Variants in LIN9 observed in about 807,000 individuals in gnomAD.
The protein encoded by LIN9 is lin-9 DREAM MuvB core complex component, also known as protein lin-9 homolog.
A neutral mutation model predicts 78.0 loss-of-function variants in LIN9; 18 were observed. That is an observed-to-expected ratio of 0.23 (90% CI 0.16 to 0.34). The LOEUF (loss-of-function observed/expected upper bound fraction) is 0.34. Among genes scored for constraint, LIN9 ranks in the 10% least tolerant of loss-of-function variants. LIN9 has a pLI of 1.00. For synonymous variants in LIN9, 192 were observed against 215.2 expected (o/e 0.89, Z 0.94); for missense variants, 451 against 644.1 (o/e 0.70, Z 3.25).
chr1:226,267,086 CT>C (rs1204496218), intron 8 of LIN9, among the ~76,000 whole-genome samples: 2 of 151,666 alleles, frequency 1.3e-5, no homozygotes, highest in Non-Finnish European at 2.9e-5. Flanking sequence ...GGCCAATTTA[CT>C]TTTTTTGAAA....
chr1:226,233,300 G>A, intron 13 of LIN9, 44 bp downstream of exon 13: 1 of 1,554,020 alleles, frequency 6.4e-7, no homozygotes, highest in Non-Finnish European at 8.8e-7. Flanking sequence ...ATTAGCGTGG[G>A]TTGCTTTGTG....
At chr1:226,276,084 T>C (rs1421130951) in intron 7 of LIN9, among the ~76,000 whole-genome samples, 2 of 152,164 alleles carry the variant, frequency 1.3e-5, no homozygotes, top group Admixed American at 1.3e-4. Context: ...AGTAATTTTC[T>C]CACATTTTGC....
chr1:226,295,344 G>A (rs957404608), intron 4 of LIN9, among the ~76,000 whole-genome samples: 5 of 151,992 alleles, frequency 3.3e-5, no homozygotes, highest in African/African-American at 1.2e-4. Flanking sequence ...AGGTACTCGG[G>A]AGGCTGAGGC....
chr1:226,303,335 A>T (rs1179949416), intron 1 of LIN9, among the ~76,000 whole-genome samples: 1 of 152,224 alleles, frequency 6.6e-6, no homozygotes. Context: ...GATGGGAGGC[A>T]AACAAAAACA....
intron 4 of LIN9, among the ~76,000 whole-genome samples, chr1:226,291,703 T>C (rs2102643583): frequency 6.6e-6 from 1 of 152,242 alleles, no homozygotes; most frequent in East Asian, 1.9e-4. Context: ...GCCCTTCACC[T>C]GGCTTTCCCT....
intron 4 of LIN9, among the ~76,000 whole-genome samples, chr1:226,290,074 A>C (rs1481415674): frequency 1.3e-5 from 2 of 152,144 alleles, no homozygotes; most frequent in Admixed American, 6.6e-5. Flanking sequence ...ATATGTTAAA[A>C]AATACAGAAA....
At chr1:226,244,462 C>A (rs1007234596) in intron 11 of LIN9, among the ~76,000 whole-genome samples, 2 of 152,014 alleles carry the variant, frequency 1.3e-5, no homozygotes, top group East Asian at 3.9e-4. Flanking sequence ...AAAAACAAGT[C>A]AAAAATATGA....
In LIN9 at chr1:226,233,542, A is replaced by G; in HGVS notation, c.1246-19T>C. On this transcript the variant is annotated intron_variant, in intron 12 of 14. Transcript: ENST00000681046. ...GAGCAAGCTGAATACAGATGATTGA[A>G]GCATGAGACGCATGTTCGAGAAGCC... 6.3e-7 allele frequency: 1 copy of G among 1,577,354 alleles called. No individual in the cohort carries two copies.
At chr1:226,248,613 G>A (rs1320189738) in intron 11 of LIN9, among the ~76,000 whole-genome samples, 2 of 152,234 alleles carry the variant, frequency 1.3e-5, no homozygotes, top group Admixed American at 6.5e-5. Flanking sequence ...ACAGGAAGTT[G>A]TTTAAATTAT....
chr1:226,286,147 C>T (rs899599146), intron 6 of LIN9, among the ~76,000 whole-genome samples, 186 bp downstream of exon 6: 1 of 152,004 alleles, frequency 6.6e-6, no homozygotes, highest in Non-Finnish European at 1.5e-5. Context: ...GAGGAATGGT[C>T]TCACTGTGTT....
At chr1:226,283,597 T>G (rs1661211605) in intron 6 of LIN9, among the ~76,000 whole-genome samples, 1 of 152,202 alleles carries the variant, frequency 6.6e-6, no homozygotes, top group Admixed American at 6.5e-5. Flanking sequence ...TAAAACGTTC[T>G]TATTTTTGTA....
intron 7 of LIN9, among the ~76,000 whole-genome samples, chr1:226,274,580 CCT>C (rs1339564999): frequency 2.0e-5 from 3 of 151,658 alleles, no homozygotes; most frequent in Non-Finnish European, 2.9e-5. Context: ...AATAATGTCC[CCT>C]CTCTCCTGTT....
chr1:226,248,420 G>A (rs1658620546), intron 11 of LIN9, among the ~76,000 whole-genome samples: 1 of 151,780 alleles, frequency 6.6e-6, no homozygotes, highest in Admixed American at 6.6e-5. Flanking sequence ...ACTTCTTTTT[G>A]TACCTCATAT....
chr1:226,306,624 A>G (rs573412158), intron 1 of LIN9, among the ~76,000 whole-genome samples: 1 of 152,348 alleles, frequency 6.6e-6, no homozygotes, highest in East Asian at 1.9e-4. Flanking sequence ...AGATTAAATG[A>G]GCAAATACAT....
In LIN9 at chr1:226,232,213, C is replaced by T; in HGVS notation, c.*288G>A. 1 of 400,780 alleles carries T rather than the reference C, an allele frequency of 2.5e-6. No individual in the cohort carries two copies. Among genetic ancestry groups the T allele is most frequent in the Middle Eastern group, 6.3e-4 (1 of 1,590 alleles). 24.8% of individuals were successfully genotyped at this position (400,780 alleles called of 1,614,324 possible). On this transcript the variant is annotated 3_prime_UTR_variant, in exon 15 of 15. Coordinates refer to ENST00000681046, the MANE Select transcript of LIN9 (RefSeq NM_001366245.2). Reference sequence around the variant, plus strand: ...TAAAAAAAATGGTCAATGTATTCTTCCACGAAATTATATTATGTTCAGATA... The same window carrying T: ...TAAAAAAAATGGTCAATGTATTCTTTCACGAAATTATATTATGTTCAGATA...
intron 1 of LIN9, among the ~76,000 whole-genome samples, chr1:226,302,028 C>T (rs1349319842): frequency 6.6e-6 from 1 of 152,162 alleles, no homozygotes; most frequent in Non-Finnish European, 1.5e-5. Flanking sequence ...GTGACCGTGC[C>T]ACTGCACTTC....
intron 1 of LIN9, among the ~76,000 whole-genome samples, chr1:226,301,528 G>A (rs1662532905): frequency 6.6e-6 from 1 of 152,172 alleles, no homozygotes; most frequent in Non-Finnish European, 1.5e-5. Context: ...CAGGCGTGCT[G>A]TGGTGCTGGA....
At chr1:226,290,663 T>C (rs1253628729) in intron 4 of LIN9, among the ~76,000 whole-genome samples, 1 of 151,970 alleles carries the variant, frequency 6.6e-6, no homozygotes, top group Non-Finnish European at 1.5e-5. Flanking sequence ...TATATCAGAT[T>C]AGCAAAAATC....
rs1659327728 is a variant in LIN9 at position 226,258,200 on chromosome 1, AAACAAACAAAC to A, written c.1039-7292_1039-7282del. 7.9e-5 allele frequency among the ~76,000 whole-genome samples: 12 copies of A among 151,588 alleles called. No homozygotes were observed. In the South Asian group the frequency reaches 2.3e-3, roughly 29 times the overall value. ...AAAACAAACAAACAAACAAACAAAC[AAACAAACAAAC>A]AAAACAGGGCTAGTCTCAGTGGCTG... On this transcript the variant is annotated intron_variant, in intron 10 of 14. Transcript: ENST00000681046.
Sources: allele counts gnomAD v4.1 joint callset (sites outside exome capture counted in the v4.1 genomes callset), GRCh38; gene constraint gnomAD v4.1.1; transcripts MANE v1.5; gene names NCBI Gene and HGNC (gene_info 2026-07-23, HGNC 2026-07-21).